Variants in SBSPON observed in about 807,000 individuals in gnomAD.
SBSPON encodes somatomedin B and thrombospondin type 1 domain containing.
Under a neutral mutation model 35.8 loss-of-function variants are expected in SBSPON, and 30 were observed. The ratio of observed to expected loss-of-function variants is 0.84; its 90% CI spans 0.63 to 1.14. The LOEUF (loss-of-function observed/expected upper bound fraction) is 1.14. SBSPON is among the 50% of genes most tolerant of loss of function. The pLI, the probability that SBSPON is intolerant of heterozygous loss-of-function variation, is 0.00. For synonymous variants in SBSPON, 136 were observed against 135.9 expected, an observed-to-expected ratio of 1.00 and a Z score of 0.00; for missense variants, 364 against 357.7, an observed-to-expected ratio of 1.02 and a Z score of -0.14.
intron 3 of SBSPON, 76 bp downstream of exon 3, chr8:73,071,704 C>A: frequency 2.4e-6 from 2 of 820,426 alleles, no homozygotes; most frequent in African/African-American, 1.8e-5. Context: ...AAACATAAAC[C>A]AAGTTGACCC....
intron 2 of SBSPON, among the ~76,000 whole-genome samples, chr8:73,075,320 G>A (rs957565902): frequency 1.3e-5 from 2 of 152,226 alleles, no homozygotes; most frequent in East Asian, 1.9e-4. Flanking sequence ...CCTCTCACAT[G>A]AGCCAGACTG....
In SBSPON at chr8:73,066,659, A is replaced by G. The variant is rs1383442766; in HGVS notation, c.*682T>C. 1 of 152,200 alleles carries G rather than the reference A, an allele frequency of 6.6e-6. No homozygotes were observed. Among genetic ancestry groups the G allele is most frequent in the Non-Finnish European group, 1.5e-5 (1 of 68,044 alleles). 9.4% of individuals were successfully genotyped at this position (152,200 alleles called of 1,614,324 possible). A position where few individuals can be genotyped will look rare whatever the true frequency, so the allele number is the denominator to read the frequency against. ...TTCACTGGTGTCAACATTTCTTTTC[A>G]TGAAAATTATAACATTTAAAAGAAC... On this transcript the variant is annotated 3_prime_UTR_variant, in exon 5 of 5. Coordinates refer to ENST00000297354, the MANE Select transcript of SBSPON (RefSeq NM_153225.4).
intron 1 of SBSPON, among the ~76,000 whole-genome samples, chr8:73,084,475 G>T (rs1810779737): frequency 6.6e-6 from 1 of 152,104 alleles, no homozygotes; most frequent in Non-Finnish European, 1.5e-5. Context: ...GTTCCTGTGT[G>T]ACCTGGCATC....
intron 2 of SBSPON, among the ~76,000 whole-genome samples, chr8:73,075,180 G>GT (rs1245048638): frequency 6.6e-6 from 1 of 152,124 alleles, no homozygotes; most frequent in African/African-American, 2.4e-5. Context: ...TGGCCCATCT[G>GT]TTTTTCAGGA....
At position 73,075,340 on chromosome 8, in the gene SBSPON, C is replaced by A. The variant is rs190683680; in HGVS notation, c.410-3470G>T. Among the ~76,000 whole-genome samples the A allele has an allele frequency of 3.1e-3, 467 of 152,332 alleles. 1 individual carries two copies. The highest frequency in any genetic ancestry group is 4.0e-3 in the Non-Finnish European group (272 of 68,044). On this transcript the variant is annotated intron_variant, in intron 2 of 4. Coordinates refer to ENST00000297354, the MANE Select transcript of SBSPON (RefSeq NM_153225.4). ...CACATGAGCCAGACTGCCTGGAGGTCCCAGAACCAGCATCACTTTTTAATA... is the reference window on the plus strand; with the variant it reads ...CACATGAGCCAGACTGCCTGGAGGTACCAGAACCAGCATCACTTTTTAATA...
chr8:73,068,726 G>A (rs1810439354), intron 4 of SBSPON, among the ~76,000 whole-genome samples: 2 of 152,142 alleles, frequency 1.3e-5, no homozygotes, highest in African/African-American at 4.8e-5. Context: ...AAGCCCCATT[G>A]AGCAACAGTT....
At chr8:73,067,481 T>C in intron 4 of SBSPON, 23 bp from the exon 5 acceptor site, 3 of 1,376,212 alleles carry the variant, frequency 2.2e-6, no homozygotes, top group Non-Finnish European at 3.1e-6. Flanking sequence ...TTCGAAAGTG[T>C]TAGTTACACT....
At chr8:73,069,148 C>T (rs1397080805) in intron 4 of SBSPON, among the ~76,000 whole-genome samples, 2 of 152,078 alleles carry the variant, frequency 1.3e-5, no homozygotes, top group African/African-American at 4.8e-5. Context: ...TTCAGTTAGT[C>T]GGAAATGAGG....
chr8:73,093,007 C>A lies in SBSPON; in HGVS notation c.61G>T (p.Gly21Cys), dbSNP rs1438183790. ...LSRLWPGAQAGCAEAGRCCPG... is the reference protein window; with the variant it reads ...LSRLWPGAQACCAEAGRCCPG... The stretch of plus-strand genomic sequence containing the variant: ...CAGCAGCGCCCGGCCTCGGCGCAGC[C>A]GGCCTGGGCCCCGGGCCACAGCCGC... The change falls in exon 1 of 5, where the codon GGC becomes TGC. Residue 21 changes from glycine to cysteine, a missense_variant. Coordinates refer to ENST00000297354, the MANE Select transcript of SBSPON (RefSeq NM_153225.4). 6 of 1,462,268 alleles carry A rather than the reference C, an allele frequency of 4.1e-6. No homozygotes were observed. The highest frequency in any genetic ancestry group is 2.9e-5 in the East Asian group (1 of 34,240). 90.6% of individuals were successfully genotyped at this position (1,462,268 alleles called of 1,614,324 possible).
intron 4 of SBSPON, among the ~76,000 whole-genome samples, chr8:73,068,591 G>A (rs192578122): frequency 4.6e-5 from 7 of 152,248 alleles, no homozygotes; most frequent in African/African-American, 1.7e-4. Context: ...TGCAGAACTG[G>A]GATACAGGTG....
chr8:73,080,413 G>T (rs1332741211), intron 2 of SBSPON, among the ~76,000 whole-genome samples: 1 of 152,130 alleles, frequency 6.6e-6, no homozygotes. Flanking sequence ...TACTCGGGAG[G>T]CTGAGGCAGA....
intron 1 of SBSPON, among the ~76,000 whole-genome samples, chr8:73,087,369 A>T (rs1379035162): frequency 6.6e-6 from 1 of 152,188 alleles, no homozygotes; most frequent in African/African-American, 2.4e-5. Context: ...GGATCCAAGT[A>T]AGTTAATAAC....
intron 2 of SBSPON, among the ~76,000 whole-genome samples, chr8:73,073,952 A>T (rs1810544933): frequency 6.6e-6 from 1 of 152,208 alleles, no homozygotes; most frequent in Non-Finnish European, 1.5e-5. Context: ...CATTTCTAAG[A>T]TCTACAGACA....
rs570322694 is a variant in SBSPON at position 73,067,547 on chromosome 8, A to G, written c.678-89T>C. On this transcript the variant is annotated intron_variant, in intron 4 of 4. Coordinates refer to ENST00000297354, the MANE Select transcript of SBSPON (RefSeq NM_153225.4). ...AGAATTAAAACTCGGAGTTAAAAAA[A>G]ACTGATCACAGCCTGAGCAATATAG... The G allele has an allele frequency of 2.1e-3, 1,502 of 720,436 alleles. 4 individuals are homozygous for G. Among genetic ancestry groups the G allele is most frequent in the Non-Finnish European group, 3.3e-3 (1,352 of 409,486 alleles). The allele number at this position is 720,436 out of a possible 1,614,324, so 44.6% of individuals were successfully genotyped here.
chr8:73,086,275 T>G (rs2130035334), intron 1 of SBSPON, among the ~76,000 whole-genome samples: 1 of 152,120 alleles, frequency 6.6e-6, no homozygotes, highest in South Asian at 2.1e-4. Flanking sequence ...ATTCTCATGC[T>G]TCAGCCTCCC....
intron 4 of SBSPON, among the ~76,000 whole-genome samples, chr8:73,069,033 C>T (rs954785382): frequency 3.3e-5 from 5 of 152,066 alleles, no homozygotes; most frequent in African/African-American, 1.2e-4. Context: ...TCACAGAGAC[C>T]ACACAGCCTG....
At chr8:73,081,774 T>TGGGAGAAGTAAA (rs1810710113) in intron 1 of SBSPON, among the ~76,000 whole-genome samples, 1 of 152,286 alleles carries the variant, frequency 6.6e-6, no homozygotes, top group East Asian at 1.9e-4. Flanking sequence ...ACCCCTATAC[T>TGGGAGAAGTAAA]CTAAGCTTCT....
At chr8:73,091,353 T>C (rs921973654) in intron 1 of SBSPON, among the ~76,000 whole-genome samples, 6 of 152,330 alleles carry the variant, frequency 3.9e-5, no homozygotes, top group African/African-American at 1.2e-4. Context: ...GTGCTAAGTG[T>C]GTCGAACAGG....
At chr8:73,087,340 C>A (rs10283250) in intron 1 of SBSPON, among the ~76,000 whole-genome samples, 21,401 of 152,158 alleles carry the variant, frequency 0.14, 1,736 homozygotes, top group African/African-American at 0.22. Flanking sequence ...AAAATGAGGA[C>A]TAACATCAGC....
Sources: allele counts gnomAD v4.1 joint callset (sites outside exome capture counted in the v4.1 genomes callset), GRCh38; gene constraint gnomAD v4.1.1; transcripts MANE v1.5; gene names NCBI Gene and HGNC (gene_info 2026-07-23, HGNC 2026-07-21).